PKD2L2: variants seen among roughly 807,000 people sequenced by gnomAD.
PKD2L2 encodes polycystin-2-like protein 2.
A neutral mutation model predicts 83.9 loss-of-function variants in PKD2L2; 67 were observed. That is an observed-to-expected ratio of 0.80 (90% CI 0.66 to 0.98). The LOEUF is 0.98. Among genes scored for constraint, PKD2L2 ranks in the 50% least tolerant of loss-of-function variants. The pLI is 0.00. For synonymous variants in PKD2L2, 223 were observed against 237.8 expected (o/e 0.94, Z 0.57); for missense variants, 632 against 717.2 (o/e 0.88, Z 1.36).
At chr5:137,936,891 C>T (rs974503140) in intron 14 of PKD2L2, among the ~76,000 whole-genome samples, 4 of 152,232 alleles carry the variant, frequency 2.6e-5, no homozygotes, top group African/African-American at 9.6e-5. Context: ...ACTCACTATA[C>T]AATCCATGCA....
At chr5:137,910,632 T>A (rs986677612) in intron 8 of PKD2L2, among the ~76,000 whole-genome samples, 2 of 151,542 alleles carry the variant, frequency 1.3e-5, no homozygotes, top group Non-Finnish European at 2.9e-5. Context: ...ACAAAAAGAT[T>A]AGCTGGGTGT....
chr5:137,895,472 TA>T lies in PKD2L2; in HGVS notation c.524+884del, dbSNP rs756004179. Among the ~76,000 whole-genome samples the T allele has an allele frequency of 3.9e-3, 255 of 65,820 alleles. 1 individual carries two copies. The highest frequency in any genetic ancestry group is 0.017 in the East Asian group (37 of 2,216). 43.2% of individuals were successfully genotyped at this position (65,820 alleles called of 152,430 possible). On this transcript the variant is annotated intron_variant, in intron 4 of 14. Transcript: ENST00000508883. ...GGGCGACAGAGGGAGACCTTGTCCC[TA>T]AAAAAAAAAAAAAAAAAAAAGGAAG...
chr5:137,899,733 A>T lies in PKD2L2; in HGVS notation c.742A>T (p.Ile248Phe), dbSNP rs1756795363. ...TGCTAATGTAAATCTATTTTGTATT[A>T]TCAGGTGAGTGACTCAAAACTTTTT... ...YNANVNLFCI[I>F]RLVAEFPATG... The change falls in exon 5 of 15, where the codon ATC becomes TTC. Residue 248 changes from isoleucine (I) to phenylalanine (F), a missense_variant. This residue lies in a region of PKD2L2 where 4 missense variants were observed against 18.8 expected (regional missense o/e 0.21). Transcript: ENST00000508883. 1.9e-6 allele frequency: 3 copies of T among 1,580,424 alleles called. No individual in the cohort carries two copies. Among genetic ancestry groups the T allele is most frequent in the Non-Finnish European group, 2.6e-6 (3 of 1,152,694 alleles).
chr5:137,938,109 C>A (rs1270781498), intron 14 of PKD2L2: 1 of 152,342 alleles, frequency 6.6e-6, no homozygotes, highest in Non-Finnish European at 1.5e-5. Context: ...CTATCACCAA[C>A]TGCCTAATTC....
At chr5:137,898,950 G>A (rs1409139373) in intron 4 of PKD2L2, among the ~76,000 whole-genome samples, 1 of 152,164 alleles carries the variant, frequency 6.6e-6, no homozygotes, top group Non-Finnish European at 1.5e-5. Context: ...TAGTCCAGTG[G>A]TGTTGCCCAC....
At position 137,935,861 on chromosome 5, in the gene PKD2L2, T is replaced by C. The variant is rs576577324; in HGVS notation, c.1736T>C (p.Met579Thr). The stretch of plus-strand genomic sequence containing the variant: ...AGGCTTGAGAAAAAGTATTATTCTA[T>C]GGAAATTCAAGATGACTACCAGCCT... Reference protein sequence around the residue: ...KERLEKKYYSMEIQDDYQPVT... With the variant: ...KERLEKKYYSTEIQDDYQPVT... Residue 579 changes from methionine to threonine, a missense_variant, in exon 13 of 15, where the codon ATG becomes ACG. This residue lies in a region of PKD2L2 where 399 missense variants were observed against 416.9 expected (regional missense o/e 0.96). Transcript: ENST00000508883. The C allele has an allele frequency of 1.2e-6, 2 of 1,611,364 alleles. No individual in the cohort carries two copies. The highest frequency in any genetic ancestry group is 1.3e-5 in the African/African-American group (1 of 75,008).
Position 137,925,858 on chromosome 5 carries a change from T to C in PKD2L2, c.1617-17T>C. The C allele has an allele frequency of 6.4e-7, 1 of 1,560,970 alleles. No homozygotes were observed. The highest frequency in any genetic ancestry group is 1.1e-5 in the South Asian group (1 of 87,964). On this transcript the variant is annotated splice_polypyrimidine_tract_variant and intron_variant, in intron 11 of 14. Transcript: ENST00000508883. The stretch of plus-strand genomic sequence containing the variant: ...TATTGTCATTTGCCTCTGACTTTTA[T>C]TTTATATTCTCAATAGCAAAGGCAG...
intron 4 of PKD2L2, among the ~76,000 whole-genome samples, chr5:137,897,035 A>T (rs1396497150): frequency 7.9e-4 from 2 of 2,538 alleles, no homozygotes; most frequent in African/African-American, 1.2e-3. Context: ...ACATTATTAT[A>T]TTATTATTAT....
rs1756078636 is a variant in PKD2L2, at chr5:137,892,548, A to C, written c.202A>C (p.Thr68Pro). The C allele has an allele frequency of 6.2e-7, 1 of 1,610,870 alleles. No individual in the cohort carries two copies. The highest frequency in any genetic ancestry group is 1.3e-5 in the African/African-American group (1 of 74,818). ...NKVMSSLFLD[T>P]SVPGEERTNF... is the part of the protein sequence containing the mutation. Reference sequence around the variant, plus strand: ...GGTTATGTCATCTCTATTTTTGGACACTTCTGTGCCTGGTGAAGAAAGAAC... The same window carrying C: ...GGTTATGTCATCTCTATTTTTGGACCCTTCTGTGCCTGGTGAAGAAAGAAC... The change falls in exon 3 of 15, where the codon ACT becomes CCT. Residue 68 changes from threonine (T) to proline (P), a missense_variant. Physicochemically the swap from Thr to Pro is conservative, Grantham distance 38. Coordinates refer to ENST00000508883, the MANE Select transcript of PKD2L2 (RefSeq NM_001300921.2).
At chr5:137,922,833 CA>C (rs1455510016) in intron 9 of PKD2L2, among the ~76,000 whole-genome samples, 2 of 152,128 alleles carry the variant, frequency 1.3e-5, no homozygotes, top group Non-Finnish European at 2.9e-5. Flanking sequence ...ATAACCAGTT[CA>C]TATGCATTCT....
chr5:137,938,081 A>G (rs1760671468), intron 14 of PKD2L2: 1 of 152,192 alleles, frequency 6.6e-6, no homozygotes, highest in Non-Finnish European at 1.5e-5. Context: ...TACAGTTTTT[A>G]TTTGTACCAA....
chr5:137,941,537 C>A (rs1386076051), intron 14 of PKD2L2, among the ~76,000 whole-genome samples: 1 of 152,162 alleles, frequency 6.6e-6, no homozygotes, highest in East Asian at 1.9e-4. Context: ...AACGGGCAAC[C>A]TCAACACACA....
chr5:137,918,458 G>T (rs1758577701), intron 8 of PKD2L2, among the ~76,000 whole-genome samples: 1 of 152,166 alleles, frequency 6.6e-6, no homozygotes, highest in Admixed American at 6.6e-5. Flanking sequence ...ATGCAACAAT[G>T]GCTGCCCACC....
Position 137,921,098 on chromosome 5 carries a change from T to C in PKD2L2, c.1329-538T>C, listed in dbSNP as rs189178579. 7.9e-5 allele frequency among the ~76,000 whole-genome samples: 12 copies of C among 152,226 alleles called. No individual in the cohort carries two copies. In the East Asian group the frequency reaches 2.1e-3, roughly 27 times the overall value. On this transcript the variant is annotated intron_variant, in intron 8 of 14. Coordinates refer to ENST00000508883, the MANE Select transcript of PKD2L2 (RefSeq NM_001300921.2). The stretch of plus-strand genomic sequence containing the variant: ...TAGGTGGGCTGGGTGTGGTGGCTCA[T>C]GCCTGTAATCCCAGCACTTTGGGAG...
At chr5:137,895,459 G>T (rs1756366834) in intron 4 of PKD2L2, among the ~76,000 whole-genome samples, 1 of 147,316 alleles carries the variant, frequency 6.8e-6, no homozygotes, top group African/African-American at 2.5e-5. Flanking sequence ...GCGACAGAGG[G>T]AGACCTTGTC....
intron 12 of PKD2L2, among the ~76,000 whole-genome samples, chr5:137,934,295 T>C (rs1389699484): frequency 6.6e-6 from 1 of 152,110 alleles, no homozygotes; most frequent in Non-Finnish European, 1.5e-5. Flanking sequence ...ACAAAAAGAG[T>C]GATGGCTGAG....
chr5:137,934,577 C>T (rs1027244210), intron 12 of PKD2L2, among the ~76,000 whole-genome samples: 12 of 152,156 alleles, frequency 7.9e-5, no homozygotes, highest in Non-Finnish European at 1.3e-4. Context: ...GGAAGGCCGA[C>T]GCAGGCGGAT....
At chr5:137,941,383 G>A (rs1324981015) in intron 14 of PKD2L2, among the ~76,000 whole-genome samples, 1 of 152,056 alleles carries the variant, frequency 6.6e-6, no homozygotes, top group African/African-American at 2.4e-5. Context: ...CAAACTTCTG[G>A]CCACCATCAG....
chr5:137,900,781 C>G (rs1271781300), intron 5 of PKD2L2, among the ~76,000 whole-genome samples: 1 of 152,206 alleles, frequency 6.6e-6, no homozygotes, highest in Admixed American at 6.5e-5. Context: ...GAAAATGCAG[C>G]TTCTGTGGGA....
Sources: allele counts gnomAD v4.1 joint callset (sites outside exome capture counted in the v4.1 genomes callset), GRCh38; gene constraint gnomAD v4.1.1; regional missense constraint gnomAD v4.1.1; transcripts MANE v1.5; gene names NCBI Gene and HGNC (gene_info 2026-07-23, HGNC 2026-07-21).